The following CCSER1 variants were observed in gnomAD, a reference collection of about 807,000 sequenced individuals.
CCSER1 encodes the protein coiled-coil serine rich protein 1.
In CCSER1, 41 loss-of-function variants were observed where a neutral mutation model predicts 82.0. The ratio of observed to expected loss-of-function variants is 0.50; its 90% CI spans 0.39 to 0.65. CCSER1 has a LOEUF of 0.65. Among genes scored for constraint, CCSER1 ranks in the 30% least tolerant of loss-of-function variants. The pLI is 0.00. For missense variants in CCSER1, 1,119 were observed against 1,064.2 expected, an observed-to-expected ratio of 1.05 and a Z score of -0.72; for synonymous variants, 414 against 383.9, an observed-to-expected ratio of 1.08 and a Z score of -0.92.
chr4:91,022,716 A>G (rs1296325210), intron 9 of CCSER1, among the ~76,000 whole-genome samples: 1 of 152,180 alleles, frequency 6.6e-6, no homozygotes, highest in East Asian at 1.9e-4. Context: ...CTGGTGTGAA[A>G]TGATATCTCA....
At chr4:91,037,660 T>C (rs1741568608) in intron 9 of CCSER1, among the ~76,000 whole-genome samples, 1 of 152,180 alleles carries the variant, frequency 6.6e-6, no homozygotes, top group African/African-American at 2.4e-5. Context: ...ATGTTTTTTG[T>C]ATTTGCCATA....
chr4:91,019,434 TTGAG>T (rs1739725449), intron 9 of CCSER1, among the ~76,000 whole-genome samples: 1 of 152,134 alleles, frequency 6.6e-6, no homozygotes, highest in African/African-American at 2.4e-5. Flanking sequence ...AGCTTACTGC[TTGAG>T]TTTTTTATTA....
Position 90,738,411 on chromosome 4 carries a change from T to C in CCSER1, c.2010+14420T>C, listed in dbSNP as rs542388860. ...GGTTCTTGGCTAGGGTCAGGCGAAT[T>C]TTTTTTTGCTTTACCATACAGAGAT... On this transcript the variant is annotated intron_variant, in intron 7 of 10. Transcript: ENST00000509176. Among the ~76,000 whole-genome samples the C allele has an allele frequency of 5.2e-4, 79 of 152,058 alleles. 3 individuals are homozygous for C. The South Asian group carries it at 0.016, about 32-fold the overall frequency.
chr4:91,598,442 T>C lies in CCSER1; in HGVS notation c.2218-130T>C, dbSNP rs1208699084. 1.3e-4 allele frequency: 118 copies of C among 930,168 alleles called. No individual in the cohort carries two copies. The East Asian group carries it at 3.0e-3, about 24-fold the overall frequency. 57.6% of individuals were successfully genotyped at this position (930,168 alleles called of 1,614,324 possible). A position where few individuals can be genotyped will look rare whatever the true frequency, so the allele number is the denominator to read the frequency against. The stretch of plus-strand genomic sequence containing the variant: ...AAATTTAATCCCATGGTTAATTGTA[T>C]TGATAATTTTATAAACCTCATTGAA... On this transcript the variant is annotated intron_variant, in intron 10 of 10. Transcript: ENST00000509176.
intron 8 of CCSER1, among the ~76,000 whole-genome samples, chr4:90,893,835 T>C (rs1186499924): frequency 6.6e-6 from 1 of 151,894 alleles, no homozygotes; most frequent in Non-Finnish European, 1.5e-5. Context: ...GTTATTTATA[T>C]AAATAATTTC....
intron 10 of CCSER1, among the ~76,000 whole-genome samples, chr4:91,572,432 G>A (rs752868305): frequency 6.6e-6 from 1 of 151,990 alleles, no homozygotes; most frequent in Non-Finnish European, 1.5e-5. Flanking sequence ...AAATCAGTCT[G>A]GCCACTGCCA....
intron 10 of CCSER1, among the ~76,000 whole-genome samples, chr4:91,227,247 T>A (rs1344359800): frequency 6.6e-6 from 1 of 151,434 alleles, no homozygotes; most frequent in East Asian, 1.9e-4. Context: ...CATAAAGGAG[T>A]TGAAAAATAG....
At chr4:91,493,156 T>C (rs1369406239) in intron 10 of CCSER1, among the ~76,000 whole-genome samples, 1 of 150,618 alleles carries the variant, frequency 6.6e-6, no homozygotes, top group Non-Finnish European at 1.5e-5. Context: ...TGAGTCTTAT[T>C]TGAGTCATTT....
chr4:91,302,316 T>C (rs1744728534), intron 10 of CCSER1, among the ~76,000 whole-genome samples: 1 of 152,074 alleles, frequency 6.6e-6, no homozygotes, highest in African/African-American at 2.4e-5. Context: ...CTCTGGTTCC[T>C]CTTTTTCTCT....
intron 5 of CCSER1, among the ~76,000 whole-genome samples, chr4:90,622,756 A>G (rs1031616823): frequency 6.6e-6 from 1 of 152,064 alleles, no homozygotes. Flanking sequence ...TAGCAGCATG[A>G]TTTATAATCC....
chr4:90,619,342 G>A (rs1321077819), intron 5 of CCSER1, among the ~76,000 whole-genome samples: 2 of 151,962 alleles, frequency 1.3e-5, no homozygotes, highest in East Asian at 1.9e-4. Context: ...AGAGAAAAAT[G>A]TGCAGTTTGG....
At chr4:90,194,456 A>G (rs950552581) in intron 1 of CCSER1, among the ~76,000 whole-genome samples, 3 of 152,070 alleles carry the variant, frequency 2.0e-5, no homozygotes, top group Non-Finnish European at 2.9e-5. Flanking sequence ...CTTATATGCC[A>G]TACTTCAGTG....
At chr4:90,843,511 G>A (rs1172060797) in intron 8 of CCSER1, among the ~76,000 whole-genome samples, 10 of 152,062 alleles carry the variant, frequency 6.6e-5, no homozygotes, top group African/African-American at 1.9e-4. Flanking sequence ...TTTAAGATTT[G>A]ACTCATTCTT....
intron 10 of CCSER1, among the ~76,000 whole-genome samples, chr4:91,572,996 A>C (rs997506365): frequency 6.6e-6 from 1 of 152,108 alleles, no homozygotes; most frequent in Non-Finnish European, 1.5e-5. Flanking sequence ...GGGAGAATTC[A>C]AATCTTTGTC....
At chr4:91,501,932 C>G (rs923746902) in intron 10 of CCSER1, among the ~76,000 whole-genome samples, 4 of 152,154 alleles carry the variant, frequency 2.6e-5, no homozygotes, top group Non-Finnish European at 5.9e-5. Flanking sequence ...GACAGCATCA[C>G]TTATCATACA....
chr4:90,407,689 C>T (rs978886099), intron 4 of CCSER1, among the ~76,000 whole-genome samples: 1 of 152,176 alleles, frequency 6.6e-6, no homozygotes, highest in Non-Finnish European at 1.5e-5. Context: ...CAGCTGCAGT[C>T]TACAGCTCCC....
rs151271608 is a variant in CCSER1 at position 90,793,301 on chromosome 4, A to G, written c.2011-22461A>G. Among the ~76,000 whole-genome samples the G allele has an allele frequency of 4.6e-4, 70 of 152,178 alleles. 1 individual carries two copies. The East Asian group carries it at 0.012, about 25-fold the overall frequency. On this transcript the variant is annotated intron_variant, in intron 7 of 10. Coordinates refer to ENST00000509176, the MANE Select transcript of CCSER1 (RefSeq NM_001145065.2). ...CACCCAGGTATTAAGCCTAGTATTCATTAGTTATTTTTCCTGATCCTTTCC... is the reference window on the plus strand; with the variant it reads ...CACCCAGGTATTAAGCCTAGTATTCGTTAGTTATTTTTCCTGATCCTTTCC...
chr4:90,315,212 T>G (rs1445522058), intron 3 of CCSER1, among the ~76,000 whole-genome samples: 1 of 152,160 alleles, frequency 6.6e-6, no homozygotes, highest in Non-Finnish European at 1.5e-5. Flanking sequence ...CTTTGAGGCC[T>G]TATATTTAAA....
At chr4:91,003,217 G>A (rs996028157) in intron 9 of CCSER1, among the ~76,000 whole-genome samples, 1 of 152,112 alleles carries the variant, frequency 6.6e-6, no homozygotes, top group African/African-American at 2.4e-5. Context: ...ATTTTTGTAC[G>A]AGTGGGCCTC....
Sources: gnomAD v4.1 joint callset for allele counts (sites outside exome capture counted in the v4.1 genomes callset) on GRCh38, gnomAD v4.1.1 for gene constraint, MANE v1.5 for transcripts, NCBI Gene and HGNC (gene_info 2026-07-23, HGNC 2026-07-21) for gene names.